The following C12orf43 variants were observed in gnomAD, a reference collection of about 807,000 sequenced individuals.
C12orf43 encodes the protein protein CUSTOS.
C12orf43 carries 15 observed loss-of-function variants against 20.6 expected under a neutral mutation model. The ratio of observed to expected loss-of-function variants is 0.73; its 90% CI spans 0.49 to 1.12. The LOEUF (loss-of-function observed/expected upper bound fraction) is 1.12. Among genes scored for constraint, C12orf43 ranks in the 50% most tolerant of loss-of-function variants. The probability of loss-of-function intolerance (pLI) is 0.00; values close to 1 mark genes in which losing one functional copy is unlikely to be tolerated. For synonymous variants in C12orf43, 144 were observed against 130.8 expected, an observed-to-expected ratio of 1.10 and a Z score of -0.69; for missense variants, 334 against 344.4, an observed-to-expected ratio of 0.97 and a Z score of 0.24.
In C12orf43 at chr12:121,004,482, T is replaced by C; in HGVS notation, c.460A>G (p.Ser154Gly). Reference protein sequence around the residue: ...KRQPSSSSEDSDEEWRRCREA... With the variant: ...KRQPSSSSEDGDEEWRRCREA... ...CGGCACCGCCGCCACTCCTCGTCACTGTCCTCACTGCTGCAACGAGAGGGT... is the reference window on the plus strand; with the variant it reads ...CGGCACCGCCGCCACTCCTCGTCACCGTCCTCACTGCTGCAACGAGAGGGT... The change falls in exon 6 of 6, where the codon AGT (serine) becomes GGT (glycine). Residue 154 changes from serine (S) to glycine (G), a missense_variant. Ser to Gly is a moderately conservative substitution (Grantham distance 56, BLOSUM62 0). Coordinates refer to ENST00000288757, the MANE Select transcript of C12orf43 (RefSeq NM_022895.3). The surrounding 1 kb of genome is among the most constrained non-coding windows in gnomAD (Gnocchi z 5.6). 1 of 1,601,864 alleles carries C rather than the reference T, an allele frequency of 6.2e-7. No individual in the cohort carries two copies. The highest frequency in any genetic ancestry group is 1.7e-5 in the Admixed American group (1 of 59,330).
chr12:121,004,291 T>C lies in C12orf43; in HGVS notation c.651A>G (p.Thr217=). The change falls in exon 6 of 6, where the codon ACA becomes ACG. Residue 217 remains threonine, a synonymous_variant. Coordinates refer to ENST00000288757, the MANE Select transcript of C12orf43 (RefSeq NM_022895.3). This position sits in a 1 kb window ranked among gnomAD's most constrained non-coding sequence, Gnocchi z 5.6. Reference sequence around the variant, plus strand: ...GCTCACCTGACTTCTGCTTCTGGACTGTGGCCATGCTGGTGGGGGTGGTGG... The same window carrying C: ...GCTCACCTGACTTCTGCTTCTGGACCGTGGCCATGCTGGTGGGGGTGGTGG... The part of the protein sequence containing the change: ...VAATTPTSMA[T]VQKQKSGELN... The C allele has an allele frequency of 6.2e-7, 1 of 1,614,240 alleles. No individual in the cohort carries two copies.
At position 121,002,307 on chromosome 12, in the gene C12orf43, G is replaced by A. The variant is rs1268294135; in HGVS notation, c.*1846C>T. 9 of 446,462 alleles carry A rather than the reference G, an allele frequency of 2.0e-5. No individual in the cohort carries two copies. Among genetic ancestry groups the A allele is most frequent in the African/African-American group, 1.8e-4 (9 of 50,754 alleles). The allele number at this position is 446,462 out of a possible 1,614,324, so 27.7% of individuals were successfully genotyped here. A position where few individuals can be genotyped will look rare whatever the true frequency, so the allele number is the denominator to read the frequency against. On this transcript the variant is annotated 3_prime_UTR_variant, in exon 6 of 6. Coordinates refer to ENST00000288757, the MANE Select transcript of C12orf43 (RefSeq NM_022895.3). ...TGAGGTCCTGAGCACTGCCAGGAGG[G>A]ACAAAGGAGCCTGTGAACCCAGGAC...
rs764981797 is a variant in C12orf43, at chr12:121,016,212, G to C, written c.145+118C>G. 6.8e-6 allele frequency: 10 copies of C among 1,468,682 alleles called. No homozygotes were observed. The South Asian group carries it at 1.2e-4, about 17-fold the overall frequency. The allele number at this position is 1,468,682 out of a possible 1,614,324, so 91.0% of individuals were successfully genotyped here. A position where few individuals can be genotyped will look rare whatever the true frequency, so the allele number is the denominator to read the frequency against. On this transcript the variant is annotated intron_variant, in intron 1 of 5. Transcript: ENST00000288757. ...CAATCTGCACTACACCCAGTCCCTGGAGGTCTCTCGGGGAAGGAAGCCGAG... is the reference window on the plus strand; with the variant it reads ...CAATCTGCACTACACCCAGTCCCTGCAGGTCTCTCGGGGAAGGAAGCCGAG...
At chr12:121,012,489 A>T (rs776863453) in intron 1 of C12orf43, 2 of 702,526 alleles carry the variant, frequency 2.8e-6, no homozygotes, top group Non-Finnish European at 5.2e-6. Flanking sequence ...GGGCAAAGGC[A>T]GGAACACGGA....
At chr12:121,006,463 C>A in intron 3 of C12orf43, 69 bp from the exon 4 acceptor site, 1 of 1,441,548 alleles carries the variant, frequency 6.9e-7, no homozygotes, top group South Asian at 1.1e-5. Flanking sequence ...AATTCTTTTT[C>A]AAGTGGAGGG....
In C12orf43 at chr12:121,002,693, G is replaced by C. The variant is rs763279504; in HGVS notation, c.*1460C>G. 4 of 323,676 alleles carry C rather than the reference G, an allele frequency of 1.2e-5. No individual in the cohort carries two copies. Among genetic ancestry groups the C allele is most frequent in the Non-Finnish European group, 2.4e-5 (4 of 165,816 alleles). 20.1% of individuals were successfully genotyped at this position (323,676 alleles called of 1,614,324 possible). ...AAGCCAGATTTCATCTTAACCTCAA[G>C]CTTCTACTTTTTAAAAAAATTTTGT... On this transcript the variant is annotated 3_prime_UTR_variant, in exon 6 of 6. Transcript: ENST00000288757.
chr12:121,016,370 G>GC lies in C12orf43; in HGVS notation c.104dup (p.Glu37GlyfsTer17). 1 of 1,613,796 alleles carries GC rather than the reference G, an allele frequency of 6.2e-7. No individual in the cohort carries two copies. The highest frequency in any genetic ancestry group is 8.5e-7 in the Non-Finnish European group (1 of 1,180,040). On this transcript the variant is annotated frameshift_variant, in exon 1 of 6. Coordinates refer to ENST00000288757, the MANE Select transcript of C12orf43 (RefSeq NM_022895.3). LOFTEE classifies it high-confidence loss of function. Reference sequence around the variant, plus strand: ...CTGCCACGTGCGGGCGTTGCTCCAAGCCCCAAGCCGGCATTGCCGCCTCGC... The same window carrying GC: ...CTGCCACGTGCGGGCGTTGCTCCAAGCCCCCAAGCCGGCATTGCCGCCTCGC...
At chr12:121,016,215 GTC>G (rs749557313) in intron 1 of C12orf43, 113 bp downstream of exon 1, 2 of 1,489,720 alleles carry the variant, frequency 1.3e-6, no homozygotes, top group Non-Finnish European at 1.8e-6. Flanking sequence ...GTCCCTGGAG[GTC>G]TCTCGGGGAA....
intron 1 of C12orf43, among the ~76,000 whole-genome samples, chr12:121,016,104 G>A (rs1380095904): frequency 6.6e-6 from 1 of 152,138 alleles, no homozygotes; most frequent in Non-Finnish European, 1.5e-5. Flanking sequence ...ACCCAAGGAG[G>A]CAGAATCAAA....
At chr12:121,009,183 C>T (rs1878244988) in intron 3 of C12orf43, among the ~76,000 whole-genome samples, 1 of 152,168 alleles carries the variant, frequency 6.6e-6, no homozygotes, top group Non-Finnish European at 1.5e-5. Flanking sequence ...TGGTGCCTTA[C>T]ACCTGCAATC....
chr12:121,001,014 G>C lies in C12orf43; in HGVS notation c.*3139C>G. 1 of 1,609,136 alleles carries C rather than the reference G, an allele frequency of 6.2e-7. No individual in the cohort carries two copies. Among genetic ancestry groups the C allele is most frequent in the East Asian group, 2.2e-5 (1 of 44,862 alleles). ...AGTACCCCTAGGGACAGGCAGGTGG[G>C]GTGGGTGTGGGTGCCTGGTGGGTGG... On this transcript the variant is annotated 3_prime_UTR_variant, in exon 6 of 6. Coordinates refer to ENST00000288757, the MANE Select transcript of C12orf43 (RefSeq NM_022895.3).
At position 121,001,783 on chromosome 12, in the gene C12orf43, T is replaced by C. The variant is rs1273403475; in HGVS notation, c.*2370A>G. ...TGGGTGGCTACTCTGTGCCAGAGCCTGGGGCTCTAACGCCTGAGCCCAGGG... is the reference window on the plus strand; with the variant it reads ...TGGGTGGCTACTCTGTGCCAGAGCCCGGGGCTCTAACGCCTGAGCCCAGGG... On this transcript the variant is annotated 3_prime_UTR_variant, in exon 6 of 6. Coordinates refer to ENST00000288757, the MANE Select transcript of C12orf43 (RefSeq NM_022895.3). The C allele has an allele frequency of 4.5e-5, 24 of 536,224 alleles. No individual in the cohort carries two copies. The East Asian group carries it at 8.9e-4, about 20-fold the overall frequency. 33.2% of individuals were successfully genotyped at this position (536,224 alleles called of 1,614,324 possible). A position where few individuals can be genotyped will look rare whatever the true frequency, so the allele number is the denominator to read the frequency against.
At position 121,003,053 on chromosome 12, in the gene C12orf43, G is replaced by A. The variant is rs1433161832; in HGVS notation, c.*1100C>T. The A allele has an allele frequency of 6.8e-6, 1 of 147,216 alleles. No homozygotes were observed. Among genetic ancestry groups the A allele is most frequent in the East Asian group, 2.0e-4 (1 of 5,028 alleles). 9.1% of individuals were successfully genotyped at this position (147,216 alleles called of 1,614,324 possible). A position where few individuals can be genotyped will look rare whatever the true frequency, so the allele number is the denominator to read the frequency against. ...TTTCTTTTTTTTTTTTTGAGATAGG[G>A]TCTTGCTCCATTGCTTAGGCTAGAG... On this transcript the variant is annotated 3_prime_UTR_variant, in exon 6 of 6. Transcript: ENST00000288757.
rs923678000 is a variant in C12orf43, at chr12:121,004,836, G to A, written c.452+167C>T. On this transcript the variant is annotated intron_variant, in intron 5 of 5. Transcript: ENST00000288757. The surrounding 1 kb of genome is among the most constrained non-coding windows in gnomAD (Gnocchi z 5.6). ...AAAGCAGTAAACATCCAAAGCTGCC[G>A]CCAAGAGGGCTTTCCCTCCCGCTGA... Among the ~76,000 whole-genome samples the A allele has an allele frequency of 3.3e-5, 5 of 152,184 alleles. No individual in the cohort carries two copies. Among genetic ancestry groups the A allele is most frequent in the African/African-American group, 9.7e-5 (4 of 41,444 alleles).
In C12orf43 at chr12:121,000,997, T is replaced by A; in HGVS notation, c.*3156A>T. ...CCTGCCTCCCCATCCTGAGTACCCCTAGGGACAGGCAGGTGGGGTGGGTGT... is the reference window on the plus strand; with the variant it reads ...CCTGCCTCCCCATCCTGAGTACCCCAAGGGACAGGCAGGTGGGGTGGGTGT... On this transcript the variant is annotated 3_prime_UTR_variant, in exon 6 of 6. Transcript: ENST00000288757. 1 of 1,603,406 alleles carries A rather than the reference T, an allele frequency of 6.2e-7. No homozygotes were observed. The highest frequency in any genetic ancestry group is 8.5e-7 in the Non-Finnish European group (1 of 1,176,478).
intron 2 of C12orf43, 67 bp downstream of exon 2, chr12:121,011,037 C>A (rs781730210): frequency 1.9e-6 from 3 of 1,592,722 alleles, no homozygotes; most frequent in Non-Finnish European, 2.6e-6. Flanking sequence ...TGAAGCCTAG[C>A]ATCTGGCACA....
In C12orf43 at chr12:121,006,215, C is replaced by CA. The variant is rs1491562908; in HGVS notation, c.361+105dup. On this transcript the variant is annotated intron_variant, in intron 4 of 5. Coordinates refer to ENST00000288757, the MANE Select transcript of C12orf43 (RefSeq NM_022895.3). ...TAGGTGGCAGAGAGAGTTCCTATCTCAAAAAAAGAAAAAAAAAAAAGAATA... is the reference window on the plus strand; with the variant it reads ...TAGGTGGCAGAGAGAGTTCCTATCTCAAAAAAAAGAAAAAAAAAAAAGAATA... The CA allele has an allele frequency of 9.0e-3, 8,412 of 935,826 alleles. 49 individuals are homozygous for CA. The highest frequency in any genetic ancestry group is 0.014 in the Admixed American group (435 of 31,496). 58.0% of individuals were successfully genotyped at this position (935,826 alleles called of 1,614,324 possible).
At position 121,005,012 on chromosome 12, in the gene C12orf43, GA is replaced by G; in HGVS notation, c.442del (p.Ser148ProfsTer46). ...AGGTGTGAGTTCTCACCTGGAGCTG[GA>G]GGGCTGTCGCTTTCGGCGGGGTTGG... ...SPQPRRKRQP[S>X]SSSEDSDEEW... is the part of the protein sequence containing the mutation. On this transcript the variant is annotated frameshift_variant, in exon 5 of 6. Coordinates refer to ENST00000288757, the MANE Select transcript of C12orf43 (RefSeq NM_022895.3). LOFTEE classifies it low-confidence loss of function (END_TRUNC). The surrounding 1 kb of genome is among the most constrained non-coding windows in gnomAD (Gnocchi z 5.6). The G allele has an allele frequency of 6.5e-7, 1 of 1,541,188 alleles. No homozygotes were observed. The highest frequency in any genetic ancestry group is 2.1e-5 in the Admixed American group (1 of 47,454).
Position 121,016,366 on chromosome 12 carries a change from CCAA to C in C12orf43, c.106_108del (p.Leu36del). 2 of 1,613,848 alleles carry C rather than the reference CCAA, an allele frequency of 1.2e-6. No homozygotes were observed. The highest frequency in any genetic ancestry group is 2.2e-5 in the South Asian group (2 of 91,084). On this transcript the variant is annotated inframe_deletion, in exon 1 of 6. Transcript: ENST00000288757. ...TTCCCTGCCACGTGCGGGCGTTGCT[CCAA>C]GCCCCAAGCCGGCATTGCCGCCTCG... is the stretch of plus-strand genomic sequence containing the variant.
Sources: allele counts gnomAD v4.1 joint callset (sites outside exome capture counted in the v4.1 genomes callset), GRCh38; gene constraint gnomAD v4.1.1; non-coding constraint Gnocchi (gnomAD v3.1); transcripts MANE v1.5; gene names NCBI Gene and HGNC (gene_info 2026-07-23, HGNC 2026-07-21).